NT5C3A: variants seen among roughly 807,000 people sequenced by gnomAD.
The protein encoded by NT5C3A is cytosolic 5'-nucleotidase 3A.
In NT5C3A, 23 loss-of-function variants were observed where a neutral mutation model predicts 40.0. That is an observed-to-expected ratio of 0.58 (90% CI 0.41 to 0.81). The LOEUF (loss-of-function observed/expected upper bound fraction) is 0.81, where lower values mean the gene tolerates loss of function less well. NT5C3A is among the 40% of genes least tolerant of loss of function. The pLI is 0.00. For missense variants in NT5C3A, 328 were observed against 403.0 expected (o/e 0.81, Z 1.59); for synonymous variants, 130 against 141.4 (o/e 0.92, Z 0.57).
chr7:33,044,882 T>A (rs1787084088), intron 1 of NT5C3A, among the ~76,000 whole-genome samples: 1 of 152,224 alleles, frequency 6.6e-6, no homozygotes, highest in Admixed American at 6.5e-5. Context: ...TTATTATTTG[T>A]CTTTAACATT....
At chr7:33,046,805 CTT>C (rs558923448) in intron 1 of NT5C3A, among the ~76,000 whole-genome samples, 26 of 140,358 alleles carry the variant, frequency 1.9e-4, no homozygotes, top group Non-Finnish European at 1.6e-4. Flanking sequence ...TTAGCACTGA[CTT>C]TTTTTTTTTT....
At chr7:33,055,622 G>A (rs1375511521) in intron 1 of NT5C3A, among the ~76,000 whole-genome samples, 2 of 152,140 alleles carry the variant, frequency 1.3e-5, no homozygotes, top group Non-Finnish European at 2.9e-5. Context: ...GCCATGACTG[G>A]AACGACCATC....
intron 1 of NT5C3A, chr7:33,040,978 T>C: frequency 3.0e-6 from 3 of 985,432 alleles, no homozygotes; most frequent in Non-Finnish European, 3.6e-6. Flanking sequence ...AAGCCTTGAC[T>C]AAGCCCTATG....
chr7:33,062,111 T>C (rs1037694871), intron 1 of NT5C3A, among the ~76,000 whole-genome samples: 1 of 152,046 alleles, frequency 6.6e-6, no homozygotes, highest in Non-Finnish European at 1.5e-5. Flanking sequence ...AGCCCCAACA[T>C]AAAACTAGTC....
intron 6 of NT5C3A, among the ~76,000 whole-genome samples, chr7:33,019,169 C>T (rs898335398): frequency 5.3e-5 from 8 of 151,664 alleles, no homozygotes; most frequent in African/African-American, 1.5e-4. Context: ...GCAAGGGGAT[C>T]GCTTGAGCCC....
At chr7:33,044,354 C>A (rs1787055156) in intron 1 of NT5C3A, among the ~76,000 whole-genome samples, 1 of 150,968 alleles carries the variant, frequency 6.6e-6, no homozygotes, top group African/African-American at 2.4e-5. Flanking sequence ...ATCAAAGACA[C>A]TGAATGTTGT....
intron 1 of NT5C3A, among the ~76,000 whole-genome samples, chr7:33,035,211 T>TG (rs397890400): frequency 6.8e-6 from 1 of 147,436 alleles, no homozygotes; most frequent in African/African-American, 2.5e-5. Context: ...TTTTTTTTTT[T>TG]GAGACGGAAT....
At chr7:33,056,254 CA>C (rs1432458787) in intron 1 of NT5C3A, among the ~76,000 whole-genome samples, 3 of 151,594 alleles carry the variant, frequency 2.0e-5, no homozygotes, top group Non-Finnish European at 2.9e-5. Flanking sequence ...AAATGTTTTA[CA>C]AAACAAATCA....
chr7:33,033,614 G>A (rs557004828), intron 1 of NT5C3A, among the ~76,000 whole-genome samples: 1 of 152,164 alleles, frequency 6.6e-6, no homozygotes, highest in South Asian at 2.1e-4. Context: ...AGGAATAGAA[G>A]AAACAAAGAT....
intron 5 of NT5C3A, among the ~76,000 whole-genome samples, chr7:33,020,519 G>A (rs1264171128): frequency 6.6e-6 from 1 of 152,106 alleles, no homozygotes; most frequent in Non-Finnish European, 1.5e-5. Flanking sequence ...TTCCAGTTCT[G>A]CTGCTACCAG....
chr7:33,047,365 T>C (rs1787196308), intron 1 of NT5C3A, among the ~76,000 whole-genome samples: 1 of 152,184 alleles, frequency 6.6e-6, no homozygotes, highest in Non-Finnish European at 1.5e-5. Flanking sequence ...CATAAACACA[T>C]TAAGTAAATA....
chr7:33,050,107 A>G (rs1193658890), intron 1 of NT5C3A, among the ~76,000 whole-genome samples: 1 of 152,222 alleles, frequency 6.6e-6, no homozygotes, highest in Non-Finnish European at 1.5e-5. Flanking sequence ...CTACTTAACT[A>G]GCTATTTCCT....
chr7:33,029,583 C>G, intron 1 of NT5C3A: 1 of 1,065,336 alleles, frequency 9.4e-7, no homozygotes. Flanking sequence ...TATTTTTTCA[C>G]CAAAAAAATT....
chr7:33,035,129 C>A (rs1315293039), intron 1 of NT5C3A, among the ~76,000 whole-genome samples: 1 of 151,072 alleles, frequency 6.6e-6, no homozygotes. Context: ...GTTTCACACC[C>A]ATTTCTTAAA....
intron 7 of NT5C3A, among the ~76,000 whole-genome samples, chr7:33,016,118 G>A (rs1785312683): frequency 6.6e-6 from 1 of 152,182 alleles, no homozygotes; most frequent in Non-Finnish European, 1.5e-5. Context: ...GCTCACACCT[G>A]TAATCCCAGC....
chr7:33,034,015 C>T lies in NT5C3A; in HGVS notation c.139-7100G>A, dbSNP rs1428301169. On this transcript the variant is annotated intron_variant, in intron 1 of 8. Transcript: ENST00000610140. ...ATGCCATTCTCCTGCCTCAGCCTCC[C>T]GAGTAGCTGGGACTACAGGTGCCCG... Among the ~76,000 whole-genome samples the T allele has an allele frequency of 3.3e-5, 5 of 151,288 alleles. No individual in the cohort carries two copies. In the East Asian group the frequency reaches 5.8e-4, roughly 18 times the overall value.
intron 6 of NT5C3A, 143 bp from the exon 7 acceptor site, chr7:33,017,744 A>G (rs915078976): frequency 1.4e-6 from 1 of 716,508 alleles, no homozygotes; most frequent in African/African-American, 1.8e-5. Flanking sequence ...GAGGGCTGTT[A>G]TTGATATCTA....
rs761132643 is a variant in NT5C3A, at chr7:33,014,802, G to C, written c.924C>G (p.Asp308Glu). The C allele has an allele frequency of 1.2e-6, 2 of 1,612,928 alleles. No individual in the cohort carries two copies. Among genetic ancestry groups the C allele is most frequent in the South Asian group, 1.1e-5 (1 of 91,070 alleles). The change falls in exon 9 of 9, where the codon GAC becomes GAG. Residue 308 changes from aspartate to glutamate, a missense_variant. By Grantham distance (45) the Asp-to-Glu change is conservative. Coordinates refer to ENST00000610140, the MANE Select transcript of NT5C3A (RefSeq NM_001002010.5). The part of the protein sequence containing the change: ...RVDELLEKYM[D>E]SYDIVLVQDE... ...CTTGTACTAAAACAATATCATAAGA[G>C]TCCATGTACTTTTCTAAAAGCTCAT...
intron 1 of NT5C3A, chr7:33,029,279 C>G (rs1415653645): frequency 5.7e-6 from 1 of 174,012 alleles, no homozygotes; most frequent in Non-Finnish European, 1.2e-5. Context: ...ATTCACTCGC[C>G]TAACCAATAT....
Sources: gnomAD v4.1 joint callset for allele counts (sites outside exome capture counted in the v4.1 genomes callset) on GRCh38, gnomAD v4.1.1 for gene constraint, MANE v1.5 for transcripts, NCBI Gene and HGNC (gene_info 2026-07-23, HGNC 2026-07-21) for gene names.